Variants in KALRN observed in about 807,000 individuals in gnomAD.
KALRN encodes the protein kalirin.
KALRN carries 70 observed loss-of-function variants against 353.7 expected under a neutral mutation model. That is an observed-to-expected ratio of 0.20 (90% CI 0.16 to 0.24). The LOEUF (loss-of-function observed/expected upper bound fraction) is 0.24, where lower values mean the gene tolerates loss of function less well. Ranked by LOEUF, KALRN falls within the 10% of genes least tolerant of loss-of-function variation. The pLI, the probability that KALRN is intolerant of heterozygous loss-of-function variation, is 1.00. For missense variants in KALRN, 2,791 were observed against 3,756.7 expected (o/e 0.74, Z 6.72); for synonymous variants, 1,391 against 1,434.8 (o/e 0.97, Z 0.69).
intron 57 of KALRN, 145 bp downstream of exon 57, chr3:124,702,261 T>G (rs1243989834): frequency 2.0e-6 from 1 of 506,898 alleles, no homozygotes; most frequent in Non-Finnish European, 3.5e-6. Context: ...TATTCGTTTG[T>G]ATTTTCTACT....
At chr3:124,348,915 C>T (rs766511708) in intron 10 of KALRN, among the ~76,000 whole-genome samples, 1 of 152,122 alleles carries the variant, frequency 6.6e-6, no homozygotes, top group Non-Finnish European at 1.5e-5. Flanking sequence ...GATGGGGTTT[C>T]ACCACGTTGG....
intron 4 of KALRN, chr3:124,268,458 A>C: frequency 2.4e-6 from 1 of 419,154 alleles, no homozygotes; most frequent in African/African-American, 2.0e-5. Context: ...TGGGGTCAGG[A>C]GGAGGGAAAA....
At chr3:124,657,358 G>T in intron 39 of KALRN, 90 bp from the exon 40 acceptor site, 1 of 838,574 alleles carries the variant, frequency 1.2e-6, no homozygotes, top group Non-Finnish European at 2.0e-6. Flanking sequence ...CGCAGAGAGT[G>T]TGGGCTTGCA....
chr3:124,617,072 C>G (rs972869674), intron 34 of KALRN, among the ~76,000 whole-genome samples: 5 of 152,056 alleles, frequency 3.3e-5, no homozygotes, highest in African/African-American at 1.2e-4. Flanking sequence ...TGGCTCACGT[C>G]TGTAATCCTA....
chr3:124,317,180 G>A (rs1040308072), intron 6 of KALRN, among the ~76,000 whole-genome samples: 2 of 152,224 alleles, frequency 1.3e-5, no homozygotes. Flanking sequence ...TTTTTCTCTC[G>A]GCTGTGATTT....
intron 41 of KALRN, 45 bp downstream of exon 41, chr3:124,657,848 C>G (rs1241502083): frequency 7.8e-7 from 1 of 1,289,164 alleles, no homozygotes; most frequent in Non-Finnish European, 1.1e-6. Context: ...TCACTAGGCT[C>G]ATTTATATTC....
At chr3:124,346,776 G>T (rs1227834006) in intron 9 of KALRN, among the ~76,000 whole-genome samples, 3 of 152,160 alleles carry the variant, frequency 2.0e-5, no homozygotes, top group Non-Finnish European at 2.9e-5. Flanking sequence ...TGCCCAAACT[G>T]CTACTACCTA....
chr3:124,268,310 T>A (rs1212089345), intron 4 of KALRN, among the ~76,000 whole-genome samples: 1 of 152,190 alleles, frequency 6.6e-6, no homozygotes, highest in South Asian at 2.1e-4. Flanking sequence ...CACTGGCCCA[T>A]GTTGCTTAAT....
chr3:124,345,452 AACGCAGG>A (rs1463062683), intron 9 of KALRN, among the ~76,000 whole-genome samples: 1 of 152,180 alleles, frequency 6.6e-6, no homozygotes, highest in Non-Finnish European at 1.5e-5. Context: ...ATTCTAGAGA[AACGCAGG>A]CTCTTCTAAG....
intron 31 of KALRN, among the ~76,000 whole-genome samples, chr3:124,492,349 A>G (rs2063256122): frequency 6.6e-6 from 1 of 151,998 alleles, no homozygotes. Context: ...ACTGATTGGG[A>G]AGTAGATGCT....
chr3:124,384,786 G>C (rs1385921517), intron 10 of KALRN, 59 bp from the exon 11 acceptor site: 1 of 1,492,792 alleles, frequency 6.7e-7, no homozygotes, highest in Admixed American at 1.9e-5. Flanking sequence ...GGAGCCCCAG[G>C]GTGGGCTGCT....
At chr3:124,503,438 C>T (rs2064837666) in intron 33 of KALRN, among the ~76,000 whole-genome samples, 2 of 125,006 alleles carry the variant, frequency 1.6e-5, no homozygotes, top group African/African-American at 5.5e-5. Context: ...ACTCTAAGCC[C>T]AAATTGTAAT....
chr3:124,412,851 A>G (rs1283234292), intron 13 of KALRN, among the ~76,000 whole-genome samples: 1 of 152,210 alleles, frequency 6.6e-6, no homozygotes, highest in Non-Finnish European at 1.5e-5. Context: ...TGCACAATAG[A>G]ACACAGGAAC....
intron 5 of KALRN, among the ~76,000 whole-genome samples, chr3:124,286,619 C>T (rs1485739879): frequency 6.6e-6 from 1 of 152,140 alleles, no homozygotes; most frequent in Non-Finnish European, 1.5e-5. Flanking sequence ...TCTATTCTGC[C>T]ATTACACTCA....
intron 1 of KALRN, among the ~76,000 whole-genome samples, chr3:124,200,502 A>G (rs985209344): frequency 6.6e-6 from 1 of 152,188 alleles, no homozygotes; most frequent in African/African-American, 2.4e-5. Flanking sequence ...AGTCCCATTC[A>G]TGAGGGCTTT....
intron 10 of KALRN, among the ~76,000 whole-genome samples, chr3:124,367,060 G>A (rs1480992405): frequency 7.5e-6 from 1 of 134,106 alleles, no homozygotes; most frequent in Non-Finnish European, 1.6e-5. Context: ...CGGGCGGGGG[G>A]CTGACCCCCC....
chr3:124,472,606 T>TAC (rs2061045781), intron 25 of KALRN, among the ~76,000 whole-genome samples: 1 of 150,640 alleles, frequency 6.6e-6, no homozygotes, highest in African/African-American at 2.5e-5. Context: ...TGTGTGTGTG[T>TAC]ACCTGTGTGT....
chr3:124,140,491 C>G (rs1448760042), intron 1 of KALRN, among the ~76,000 whole-genome samples: 1 of 152,152 alleles, frequency 6.6e-6, no homozygotes, highest in Non-Finnish European at 1.5e-5. Context: ...CCAGATGGAA[C>G]AAGTGAGATT....
At chr3:124,253,194 CAA>C (rs1478991690) in intron 3 of KALRN, among the ~76,000 whole-genome samples, 1 of 152,150 alleles carries the variant, frequency 6.6e-6, no homozygotes, top group Non-Finnish European at 1.5e-5. Flanking sequence ...AAAGTTTGAA[CAA>C]AGTCTAGATC....
Sources: allele counts gnomAD v4.1 joint callset (sites outside exome capture counted in the v4.1 genomes callset), GRCh38; gene constraint gnomAD v4.1.1; transcripts MANE v1.5; gene names NCBI Gene and HGNC (gene_info 2026-07-23, HGNC 2026-07-21).